AMPH: variants seen among roughly 807,000 people sequenced by gnomAD.
The protein encoded by AMPH is amphiphysin (Stiff-Mann syndrome with breast cancer 128kD autoantigen).
In AMPH, 49 loss-of-function variants were observed where a neutral mutation model predicts 99.1. The observed-to-expected ratio is 0.49, with a 90% CI of 0.39 to 0.63. AMPH has a LOEUF of 0.63. Among genes scored for constraint, AMPH ranks in the 20% least tolerant of loss-of-function variants. The probability of loss-of-function intolerance (pLI) is 0.00; values close to 1 mark genes in which losing one functional copy is unlikely to be tolerated. For synonymous variants in AMPH, 314 were observed against 317.3 expected, an observed-to-expected ratio of 0.99 and a Z score of 0.11; for missense variants, 759 against 863.4, an observed-to-expected ratio of 0.88 and a Z score of 1.52.
intron 1 of AMPH, among the ~76,000 whole-genome samples, chr7:38,606,145 C>T (rs1162184260): frequency 6.6e-6 from 1 of 152,142 alleles, no homozygotes; most frequent in Non-Finnish European, 1.5e-5. Context: ...AGTCCCCATG[C>T]TTTAGGTTTT....
intron 2 of AMPH, among the ~76,000 whole-genome samples, chr7:38,515,733 C>T (rs534063727): frequency 7.2e-5 from 11 of 152,238 alleles, no homozygotes; most frequent in South Asian, 2.1e-4. Context: ...CAGAAGAAGA[C>T]AGAAAGATGA....
intron 1 of AMPH, among the ~76,000 whole-genome samples, chr7:38,617,641 T>G (rs533669858): frequency 6.6e-6 from 1 of 152,316 alleles, no homozygotes; most frequent in African/African-American, 2.4e-5. Context: ...ATGACTTAAT[T>G]CTCCTTCCTG....
At chr7:38,399,644 A>G (rs776115976) in intron 17 of AMPH, among the ~76,000 whole-genome samples, 3 of 152,248 alleles carry the variant, frequency 2.0e-5, no homozygotes, top group Admixed American at 1.3e-4. Context: ...GCTACAGTAC[A>G]TGTTATACCT....
chr7:38,532,877 T>C (rs967071263), intron 2 of AMPH, among the ~76,000 whole-genome samples: 1 of 152,126 alleles, frequency 6.6e-6, no homozygotes, highest in African/African-American at 2.4e-5. Flanking sequence ...ATAAAAGTGA[T>C]AGAGAAAAAC....
At chr7:38,623,659 A>T (rs1208275368) in intron 1 of AMPH, among the ~76,000 whole-genome samples, 1 of 152,210 alleles carries the variant, frequency 6.6e-6, no homozygotes, top group African/African-American at 2.4e-5. Context: ...GGCCATATAA[A>T]CTACTCTTCT....
Position 38,429,870 on chromosome 7 carries a change from A to G in AMPH, c.1159-5T>C, listed in dbSNP as rs754328789. On this transcript the variant is annotated splice_region_variant and splice_polypyrimidine_tract_variant and intron_variant, in intron 13 of 20. Transcript: ENST00000356264. ...CTGTACCAAATCAGTGCTTGTCTGT[A>G]TGGGTAAAGAAAATAGTAACAATAA... 17 of 1,603,658 alleles carry G rather than the reference A, an allele frequency of 1.1e-5. No individual in the cohort carries two copies. The South Asian group carries it at 1.6e-4, about 15-fold the overall frequency.
intron 1 of AMPH, among the ~76,000 whole-genome samples, chr7:38,617,246 T>C (rs1793908187): frequency 6.6e-6 from 1 of 152,228 alleles, no homozygotes; most frequent in African/African-American, 2.4e-5. Context: ...CTAATGTACG[T>C]TGGAAATAAA....
rs559416045 is a variant in AMPH at position 38,405,985 on chromosome 7, A to G, written c.1399-11771T>C. 8.7e-4 allele frequency among the ~76,000 whole-genome samples: 133 copies of G among 152,344 alleles called. 1 individual carries two copies. The Middle Eastern group carries it at 0.024, about 27-fold the overall frequency. On this transcript the variant is annotated intron_variant, in intron 17 of 20. Transcript: ENST00000356264. ...TATGCTTAGCCATAAAGCAAGTCTC[A>G]ATAAATTCAAAGTCCTGAAATCATA...
At chr7:38,606,168 G>C (rs1381342306) in intron 1 of AMPH, among the ~76,000 whole-genome samples, 1 of 152,136 alleles carries the variant, frequency 6.6e-6, no homozygotes, top group Non-Finnish European at 1.5e-5. Context: ...GGTATCTTTG[G>C]TTTAGGGATT....
intron 1 of AMPH, among the ~76,000 whole-genome samples, chr7:38,548,027 A>T (rs1019376614): frequency 1.6e-5 from 2 of 126,008 alleles, no homozygotes; most frequent in African/African-American, 6.1e-5. Context: ...TTGTGGGCAA[A>T]TTTTTTTTTT....
chr7:38,512,459 T>C (rs2129030804), intron 2 of AMPH, among the ~76,000 whole-genome samples: 1 of 152,320 alleles, frequency 6.6e-6, no homozygotes, highest in African/African-American at 2.4e-5. Flanking sequence ...CCAAACTAAA[T>C]AATGAGTTTA....
At chr7:38,450,888 ACTTT>A (rs1480032438) in intron 11 of AMPH, among the ~76,000 whole-genome samples, 1 of 146,512 alleles carries the variant, frequency 6.8e-6, no homozygotes, top group Non-Finnish European at 1.5e-5. Flanking sequence ...AATCCAAAAC[ACTTT>A]CTTTTTTTTT....
chr7:38,466,129 C>T, intron 8 of AMPH, 44 bp downstream of exon 8: 1 of 1,470,242 alleles, frequency 6.8e-7, no homozygotes, highest in Non-Finnish European at 9.4e-7. Flanking sequence ...ATAAACCTTC[C>T]TTTACTTTAT....
chr7:38,518,460 C>G lies in AMPH; in HGVS notation c.151-14756G>C, dbSNP rs191519043. 4.4e-3 allele frequency among the ~76,000 whole-genome samples: 665 copies of G among 152,306 alleles called. 16 individuals are homozygous for G. The highest frequency in any genetic ancestry group is 1.9e-3 in the Non-Finnish European group (126 of 68,026). ...TTCCTGAGGCCATGGGGGCCCAACCCCAGCCACAGTGTATCCGGTAAATGG... is the reference window on the plus strand; with the variant it reads ...TTCCTGAGGCCATGGGGGCCCAACCGCAGCCACAGTGTATCCGGTAAATGG... On this transcript the variant is annotated intron_variant, in intron 2 of 20. Transcript: ENST00000356264.
At chr7:38,476,794 T>G (rs1788101024) in intron 6 of AMPH, 68 bp downstream of exon 6, 2 of 1,210,608 alleles carry the variant, frequency 1.7e-6, no homozygotes, top group African/African-American at 1.5e-5. Flanking sequence ...GCATTTAATT[T>G]TAAAAAGTAA....
chr7:38,565,698 AATTC>A (rs1344903698), intron 1 of AMPH, among the ~76,000 whole-genome samples: 1 of 134,410 alleles, frequency 7.4e-6, no homozygotes, highest in African/African-American at 2.8e-5. Flanking sequence ...GGGAGGTCAC[AATTC>A]AGTGGGGGTG....
At chr7:38,574,819 G>T (rs916050571) in intron 1 of AMPH, among the ~76,000 whole-genome samples, 7 of 152,002 alleles carry the variant, frequency 4.6e-5, no homozygotes, top group Admixed American at 2.0e-4. Flanking sequence ...ACTTTGGGAG[G>T]CCGGGGCGGG....
At chr7:38,580,938 T>TG (rs1356794358) in intron 1 of AMPH, among the ~76,000 whole-genome samples, 1 of 152,200 alleles carries the variant, frequency 6.6e-6, no homozygotes, top group African/African-American at 2.4e-5. Context: ...TGGAAAAACT[T>TG]GGAGTTTAGA....
intron 17 of AMPH, among the ~76,000 whole-genome samples, chr7:38,399,952 GA>G (rs1477503832): frequency 6.6e-6 from 1 of 152,186 alleles, no homozygotes; most frequent in African/African-American, 2.4e-5. Context: ...ATGAGGTGCA[GA>G]AACTAGGAGT....
Sources: gnomAD v4.1 joint callset for allele counts (sites outside exome capture counted in the v4.1 genomes callset) on GRCh38, gnomAD v4.1.1 for gene constraint, MANE v1.5 for transcripts, NCBI Gene and HGNC (gene_info 2026-07-23, HGNC 2026-07-21) for gene names.